DCTN6: variants seen among roughly 807,000 people sequenced by gnomAD.
DCTN6 encodes dynactin 6.
A neutral mutation model predicts 25.8 loss-of-function variants in DCTN6; 15 were observed. The ratio of observed to expected loss-of-function variants is 0.58; its 90% CI spans 0.39 to 0.89. The LOEUF (loss-of-function observed/expected upper bound fraction) is 0.89. DCTN6 is among the 40% of genes least tolerant of loss of function. The probability of loss-of-function intolerance (pLI) is 0.00; values close to 1 mark genes in which losing one functional copy is unlikely to be tolerated. For missense variants in DCTN6, 198 were observed against 237.6 expected (o/e 0.83, Z 1.09); for synonymous variants, 64 against 78.3 (o/e 0.82, Z 0.96).
intron 6 of DCTN6, 82 bp from the exon 7 acceptor site, chr8:30,182,993 C>A: frequency 8.6e-7 from 1 of 1,156,458 alleles, no homozygotes; most frequent in South Asian, 1.3e-5. Context: ...AGATTACAGG[C>A]ATGACCCACC....
intron 6 of DCTN6, among the ~76,000 whole-genome samples, chr8:30,182,282 A>C (rs959613575): frequency 6.6e-6 from 1 of 152,200 alleles, no homozygotes; most frequent in Admixed American, 6.5e-5. Flanking sequence ...GGGCCTAAAA[A>C]TCTATATTTT....
At chr8:30,182,744 G>A (rs1247438114) in intron 6 of DCTN6, among the ~76,000 whole-genome samples, 3 of 150,580 alleles carry the variant, frequency 2.0e-5, no homozygotes, top group Admixed American at 2.0e-4. Context: ...CCAGGCTGGA[G>A]TGCAGTGGTG....
At chr8:30,165,387 T>A (rs927482306) in intron 2 of DCTN6, among the ~76,000 whole-genome samples, 4 of 151,858 alleles carry the variant, frequency 2.6e-5, no homozygotes, top group Non-Finnish European at 4.4e-5. Flanking sequence ...AGTGAACTAT[T>A]ACACTTTCAG....
chr8:30,178,923 C>T (rs528890863), intron 4 of DCTN6, among the ~76,000 whole-genome samples: 11 of 152,302 alleles, frequency 7.2e-5, no homozygotes, highest in African/African-American at 2.6e-4. Flanking sequence ...TCCCAGAGTG[C>T]TGGGGTTACA....
At position 30,156,412 on chromosome 8, in the gene DCTN6, T is replaced by G; in HGVS notation, c.23+6T>G. On this transcript the variant is annotated splice_donor_region_variant and intron_variant, in intron 1 of 6. Transcript: ENST00000221114. ...GCGGAGAAGACTCAAAAGAGGTGGG[T>G]TTGCTGCTTGAGAAAAGCCTTTTCT... is the stretch of plus-strand genomic sequence containing the variant. 1 of 1,602,736 alleles carries G rather than the reference T, an allele frequency of 6.2e-7. No homozygotes were observed. The highest frequency in any genetic ancestry group is 8.5e-7 in the Non-Finnish European group (1 of 1,174,746).
chr8:30,183,014 G>C, intron 6 of DCTN6, 61 bp from the exon 7 acceptor site: 1 of 1,420,684 alleles, frequency 7.0e-7, no homozygotes, highest in Non-Finnish European at 9.9e-7. Context: ...ACGCCTGGTT[G>C]CTGTGTGGTA....
In DCTN6 at chr8:30,175,071, A is replaced by G. The variant is rs201130792; in HGVS notation, c.89-14A>G. ...GCCTCCACCAATAATTTCTTCTCAA[A>G]CTATTTTTAACAGGACCTCGGACAG... is the stretch of plus-strand genomic sequence containing the variant. On this transcript the variant is annotated splice_polypyrimidine_tract_variant and intron_variant, in intron 2 of 6. Coordinates refer to ENST00000221114, the MANE Select transcript of DCTN6 (RefSeq NM_006571.4). The G allele has an allele frequency of 6.2e-7, 1 of 1,612,798 alleles. No homozygotes were observed. Among genetic ancestry groups the G allele is most frequent in the East Asian group, 2.2e-5 (1 of 44,826 alleles).
Position 30,180,636 on chromosome 8 carries a change from A to G in DCTN6, c.474+6A>G. ...TGCAGACTGAGCGACCGCAGGTACT[A>G]GAACCTCTCTTTAAAAAGAGTTCTA... On this transcript the variant is annotated splice_donor_region_variant and intron_variant, in intron 6 of 6. Transcript: ENST00000221114. The G allele has an allele frequency of 5.6e-6, 9 of 1,613,194 alleles. No homozygotes were observed. The highest frequency in any genetic ancestry group is 7.6e-6 in the Non-Finnish European group (9 of 1,179,732).
intron 1 of DCTN6, among the ~76,000 whole-genome samples, chr8:30,160,082 G>A (rs1289987695): frequency 6.6e-6 from 1 of 152,120 alleles, no homozygotes; most frequent in African/African-American, 2.4e-5. Context: ...TTCCCAGGAA[G>A]GGGACAAGAT....
chr8:30,163,157 T>C (rs1803618882), intron 1 of DCTN6, among the ~76,000 whole-genome samples: 1 of 152,018 alleles, frequency 6.6e-6, no homozygotes, highest in South Asian at 2.1e-4. Flanking sequence ...ATTAGCCAGG[T>C]GTGGTGGCAC....
chr8:30,166,143 T>A (rs913761350), intron 2 of DCTN6, among the ~76,000 whole-genome samples: 23 of 152,150 alleles, frequency 1.5e-4, no homozygotes, highest in Non-Finnish European at 1.3e-4. Context: ...AATAATACCT[T>A]ATAGTAGTTT....
intron 1 of DCTN6, among the ~76,000 whole-genome samples, chr8:30,162,946 T>G (rs1157215172): frequency 6.6e-6 from 1 of 152,128 alleles, no homozygotes; most frequent in Non-Finnish European, 1.5e-5. Flanking sequence ...ATTTTCTCAC[T>G]TCACTCTTTT....
chr8:30,178,280 G>A (rs984965619), intron 4 of DCTN6, among the ~76,000 whole-genome samples: 5 of 151,882 alleles, frequency 3.3e-5, no homozygotes, highest in African/African-American at 1.2e-4. Context: ...CCTGACCAAC[G>A]TGGAGAAACC....
chr8:30,177,078 C>T (rs746696208), intron 3 of DCTN6, 48 bp from the exon 4 acceptor site: 2 of 1,480,778 alleles, frequency 1.4e-6, no homozygotes, highest in East Asian at 2.3e-5. Flanking sequence ...AAGAAAATTG[C>T]TTATTGTGTT....
rs192910223 is a variant in DCTN6 at position 30,180,080 on chromosome 8, T to C, written c.332-408T>C. 3.0e-4 allele frequency among the ~76,000 whole-genome samples: 45 copies of C among 152,384 alleles called. 1 individual carries two copies. The highest frequency in any genetic ancestry group is 1.9e-3 in the Admixed American group (29 of 15,306). On this transcript the variant is annotated intron_variant, in intron 5 of 6. Coordinates refer to ENST00000221114, the MANE Select transcript of DCTN6 (RefSeq NM_006571.4). ...TTGTTAATCTACTTAATGACTTTTATTTTAATTTGGATTATCAATTATCAC... is the reference window on the plus strand; with the variant it reads ...TTGTTAATCTACTTAATGACTTTTACTTTAATTTGGATTATCAATTATCAC...
Position 30,179,409 on chromosome 8 carries a change from T to C in DCTN6, c.285T>C (p.Tyr95=). 6.2e-7 allele frequency: 1 copy of C among 1,611,860 alleles called. No homozygotes were observed. Among genetic ancestry groups the C allele is most frequent in the Admixed American group, 1.7e-5 (1 of 59,602 alleles). ...TATTTACCTAACTCTGGCTTACAGA[T>C]TCCCAAGCCATGAAGATGGGAGATA... ...GTNNVFEVGC[Y]SQAMKMGDNN... is the part of the protein sequence containing the mutation. Residue 95 remains tyrosine, a splice_region_variant and synonymous_variant, in exon 5 of 7, where the codon TAT becomes TAC. Transcript: ENST00000221114.
At chr8:30,157,988 T>C (rs1355690942) in intron 1 of DCTN6, among the ~76,000 whole-genome samples, 2 of 152,256 alleles carry the variant, frequency 1.3e-5, no homozygotes, top group Non-Finnish European at 2.9e-5. Flanking sequence ...TTTACAGATC[T>C]GAGGTTAAGT....
In DCTN6 at chr8:30,164,144, A is replaced by C; in HGVS notation, c.57A>C (p.Val19=). 6.2e-7 allele frequency: 1 copy of C among 1,613,864 alleles called. No homozygotes were observed. The highest frequency in any genetic ancestry group is 8.5e-7 in the Non-Finnish European group (1 of 1,179,742). ...VKIAPGAVVC[V]ESEIRGDVTI... ...TTGCTCCTGGAGCAGTTGTATGTGT[A>C]GAAAGTGAAATCAGAGGAGATGTAA... is the stretch of plus-strand genomic sequence containing the variant. The change falls in exon 2 of 7, where the codon GTA becomes GTC. Residue 19 remains valine (V), a synonymous_variant. Transcript: ENST00000221114.
intron 5 of DCTN6, 86 bp downstream of exon 5, chr8:30,179,541 G>T: frequency 8.1e-7 from 1 of 1,234,086 alleles, no homozygotes; most frequent in African/African-American, 1.5e-5. Context: ...TAGAAACTGT[G>T]GCAAGGTGTT....
Sources: gnomAD v4.1 joint callset for allele counts (sites outside exome capture counted in the v4.1 genomes callset) on GRCh38, gnomAD v4.1.1 for gene constraint, MANE v1.5 for transcripts, NCBI Gene and HGNC (gene_info 2026-07-23, HGNC 2026-07-21) for gene names.